Variants in SLC35F3 observed in about 807,000 individuals in gnomAD.
The protein encoded by SLC35F3 is solute carrier family 35 member F3, also known as putative thiamine transporter SLC35F3.
In SLC35F3, 25 loss-of-function variants were observed where a neutral mutation model predicts 49.9. The observed-to-expected ratio is 0.50, with a 90% CI of 0.37 to 0.70. The LOEUF is 0.70. Ranked by LOEUF, SLC35F3 falls within the 30% of genes least tolerant of loss-of-function variation. The probability of loss-of-function intolerance (pLI) is 0.00; values close to 1 mark genes in which losing one functional copy is unlikely to be tolerated. For synonymous variants in SLC35F3, 275 were observed against 265.4 expected (o/e 1.04, Z -0.35); for missense variants, 525 against 639.8 (o/e 0.82, Z 1.94).
chr1:234,240,330 C>T (rs894470058), intron 3 of SLC35F3, among the ~76,000 whole-genome samples: 3 of 152,064 alleles, frequency 2.0e-5, no homozygotes, highest in Admixed American at 6.5e-5. Context: ...ATTAGCTGGA[C>T]GTGGTGGCAT....
chr1:233,923,599 A>G (rs1328606616), intron 2 of SLC35F3, among the ~76,000 whole-genome samples: 1 of 152,154 alleles, frequency 6.6e-6, no homozygotes, highest in Non-Finnish European at 1.5e-5. Flanking sequence ...GCAAACAGGG[A>G]CAATTTGACT....
intron 3 of SLC35F3, among the ~76,000 whole-genome samples, chr1:234,295,742 A>C (rs1192088175): frequency 6.6e-6 from 1 of 152,216 alleles, no homozygotes; most frequent in East Asian, 1.9e-4. Flanking sequence ...GCAAAGCCCT[A>C]AATAAATAAC....
chr1:234,058,328 ATTTTTTTTTTTTTTTTTT>A (rs56960667), intron 2 of SLC35F3, among the ~76,000 whole-genome samples: 6 of 39,792 alleles, frequency 1.5e-4, no homozygotes, highest in Admixed American at 3.4e-4. Flanking sequence ...ATGTTCCTGA[ATTTTTTTTTTTTTTTTTT>A]TTTTTTTTTT....
intron 3 of SLC35F3, among the ~76,000 whole-genome samples, chr1:234,264,001 C>T (rs1667944572): frequency 6.6e-6 from 1 of 152,098 alleles, no homozygotes; most frequent in Non-Finnish European, 1.5e-5. Context: ...CCCAGCTACT[C>T]AGGAGGCTGA....
intron 7 of SLC35F3, 90 bp from the exon 8 acceptor site, chr1:234,322,918 C>T (rs1196505545): frequency 1.0e-5 from 11 of 1,050,608 alleles, no homozygotes; most frequent in Non-Finnish European, 1.6e-5. Flanking sequence ...CACTGCCAGA[C>T]AGAGGAGGGT....
intron 2 of SLC35F3, among the ~76,000 whole-genome samples, chr1:233,994,758 A>T (rs149381773): frequency 0.011 from 1,690 of 152,296 alleles, 23 homozygotes; most frequent in Middle Eastern, 0.048. Context: ...ACTTTGGAAA[A>T]GGCGGTTCCC....
intron 2 of SLC35F3, among the ~76,000 whole-genome samples, chr1:234,221,315 C>G (rs981113610): frequency 1.3e-5 from 2 of 152,054 alleles, no homozygotes; most frequent in African/African-American, 4.8e-5. Context: ...GATTCCAGGG[C>G]AGGTCTGAGG....
At chr1:234,117,124 T>A (rs1474467597) in intron 2 of SLC35F3, among the ~76,000 whole-genome samples, 2 of 152,196 alleles carry the variant, frequency 1.3e-5, no homozygotes, top group East Asian at 3.8e-4. Context: ...TTAGAGCATC[T>A]ATGTAACCCA....
At chr1:234,185,113 A>G (rs545954148) in intron 2 of SLC35F3, among the ~76,000 whole-genome samples, 2 of 152,324 alleles carry the variant, frequency 1.3e-5, no homozygotes, top group East Asian at 1.9e-4. Flanking sequence ...AGACACAGGA[A>G]TGATTATGAG....
intron 2 of SLC35F3, among the ~76,000 whole-genome samples, chr1:233,926,727 G>T (rs1662166852): frequency 1.3e-5 from 2 of 152,166 alleles, no homozygotes; most frequent in African/African-American, 4.8e-5. Flanking sequence ...CTGATTTTTA[G>T]AATTTTCAGC....
chr1:234,323,373 CA>C lies in SLC35F3; in HGVS notation c.*131del. The C allele has an allele frequency of 2.7e-6, 2 of 731,016 alleles. No homozygotes were observed. The highest frequency in any genetic ancestry group is 3.8e-5 in the South Asian group (2 of 53,172). 45.3% of individuals were successfully genotyped at this position (731,016 alleles called of 1,614,324 possible). On this transcript the variant is annotated 3_prime_UTR_variant, in exon 8 of 8. Coordinates refer to ENST00000366618, the MANE Select transcript of SLC35F3 (RefSeq NM_173508.4). This position sits in a 1 kb window ranked among gnomAD's most constrained non-coding sequence, Gnocchi z 4.5. ...CGGTAAGTTCTATGGTATTTATTGG[CA>C]TGTCCAATTTGCTTGCACTTTTCCA...
chr1:234,254,056 C>T (rs751652277), intron 3 of SLC35F3, among the ~76,000 whole-genome samples: 1 of 152,190 alleles, frequency 6.6e-6, no homozygotes, highest in Non-Finnish European at 1.5e-5. Flanking sequence ...GCTGCCCTCC[C>T]ATGTGGGAAA....
At chr1:233,905,837 G>A in intron 2 of SLC35F3, 79 bp downstream of exon 2, 3 of 1,335,958 alleles carry the variant, frequency 2.2e-6, no homozygotes, top group East Asian at 2.4e-5. Context: ...GGGAGCGCAC[G>A]CAGTGAGGCG....
intron 7 of SLC35F3, 54 bp from the exon 8 acceptor site, chr1:234,322,954 G>A: frequency 2.0e-6 from 3 of 1,529,752 alleles, no homozygotes; most frequent in South Asian, 1.1e-5. Flanking sequence ...CCACTCTCCA[G>A]GGACATGCCC....
intron 2 of SLC35F3, among the ~76,000 whole-genome samples, chr1:234,159,336 G>A (rs1299557393): frequency 6.6e-6 from 1 of 152,068 alleles, no homozygotes; most frequent in Non-Finnish European, 1.5e-5. Context: ...CAGCACTTTG[G>A]GAGACTGAGG....
At chr1:234,072,664 C>G (rs1320558006) in intron 2 of SLC35F3, among the ~76,000 whole-genome samples, 1 of 151,990 alleles carries the variant, frequency 6.6e-6, no homozygotes, top group Non-Finnish European at 1.5e-5. Context: ...GAACGGTGTT[C>G]CAGGCAGAAA....
intron 2 of SLC35F3, among the ~76,000 whole-genome samples, chr1:234,043,853 C>A (rs1462941941): frequency 1.3e-5 from 2 of 152,164 alleles, no homozygotes; most frequent in Admixed American, 6.5e-5. Context: ...AAACTTCCAA[C>A]ATGAGCTCAA....
intron 3 of SLC35F3, among the ~76,000 whole-genome samples, chr1:234,299,804 CAAAAA>C (rs36039526): frequency 3.6e-3 from 304 of 84,654 alleles, no homozygotes; most frequent in African/African-American, 0.013. Flanking sequence ...GACTCCATCT[CAAAAA>C]AAAAAAAAAA....
chr1:234,322,900 G>A, intron 7 of SLC35F3, 108 bp from the exon 8 acceptor site: 1 of 902,474 alleles, frequency 1.1e-6, no homozygotes, highest in South Asian at 1.5e-5. Flanking sequence ...GTCCAGGGAA[G>A]ACCACAACAC....
Sources: allele counts gnomAD v4.1 joint callset (sites outside exome capture counted in the v4.1 genomes callset), GRCh38; gene constraint gnomAD v4.1.1; non-coding constraint Gnocchi (gnomAD v3.1); transcripts MANE v1.5; gene names NCBI Gene and HGNC (gene_info 2026-07-23, HGNC 2026-07-21).